Variants in SLC30A6 observed in about 807,000 individuals in gnomAD.
SLC30A6 encodes zinc transporter 6.
A neutral mutation model predicts 63.0 loss-of-function variants in SLC30A6; 55 were observed. That is an observed-to-expected ratio of 0.87 (90% CI 0.70 to 1.09). SLC30A6 has a LOEUF of 1.09. Ranked by LOEUF, SLC30A6 falls within the 50% of genes least tolerant of loss-of-function variation. The pLI, the probability that SLC30A6 is intolerant of heterozygous loss-of-function variation, is 0.00. For missense variants in SLC30A6, 587 were observed against 549.2 expected (o/e 1.07, Z -0.69); for synonymous variants, 224 against 186.1 (o/e 1.20, Z -1.66).
chr2:32,213,431 A>G (rs1308228142), intron 13 of SLC30A6, among the ~76,000 whole-genome samples: 1 of 151,318 alleles, frequency 6.6e-6, no homozygotes, highest in African/African-American at 2.4e-5. Flanking sequence ...AACTCCTCCC[A>G]GTTGCAGCTG....
At chr2:32,167,051 A>C (rs1437892391) in intron 1 of SLC30A6, among the ~76,000 whole-genome samples, 1 of 151,846 alleles carries the variant, frequency 6.6e-6, no homozygotes, top group Non-Finnish European at 1.5e-5. Context: ...ACTCATTATC[A>C]AGCTTCTTAC....
chr2:32,180,635 G>T (rs562245805), intron 4 of SLC30A6, among the ~76,000 whole-genome samples: 8 of 151,998 alleles, frequency 5.3e-5, no homozygotes, highest in African/African-American at 1.9e-4. Context: ...GTTTCACCAT[G>T]TTGGCCAGGC....
intron 10 of SLC30A6, chr2:32,202,789 C>T (rs1684411515): frequency 6.8e-6 from 5 of 736,068 alleles, no homozygotes; most frequent in Non-Finnish European, 1.2e-5. Context: ...GCAGCTCGCC[C>T]ACAGTGGGTA....
At chr2:32,207,004 C>G (rs1004087671) in intron 12 of SLC30A6, 71 bp downstream of exon 12, 5 of 1,197,990 alleles carry the variant, frequency 4.2e-6, no homozygotes, top group African/African-American at 1.5e-5. Context: ...ACTTTTAATA[C>G]TTTATTCAAC....
intron 8 of SLC30A6, among the ~76,000 whole-genome samples, chr2:32,195,092 T>G (rs1027325457): frequency 6.9e-6 from 1 of 144,822 alleles, no homozygotes; most frequent in Admixed American, 7.5e-5. Context: ...TACAGTTTTA[T>G]GCCTGGCTTT....
At chr2:32,169,226 A>C (rs1011816627) in intron 1 of SLC30A6, among the ~76,000 whole-genome samples, 4 of 151,998 alleles carry the variant, frequency 2.6e-5, no homozygotes, top group African/African-American at 9.7e-5. Context: ...CCCAGGCTTG[A>C]GTAAAGTGTG....
intron 4 of SLC30A6, among the ~76,000 whole-genome samples, chr2:32,182,416 G>C (rs1682410699): frequency 6.6e-6 from 1 of 152,200 alleles, no homozygotes; most frequent in Non-Finnish European, 1.5e-5. Flanking sequence ...ACCCTGTCAT[G>C]ATGAGTGTGA....
At chr2:32,166,960 A>G (rs1573209859) in intron 1 of SLC30A6, among the ~76,000 whole-genome samples, 1 of 149,014 alleles carries the variant, frequency 6.7e-6, no homozygotes, top group African/African-American at 2.5e-5. Flanking sequence ...TGACCACATC[A>G]CTCCCTTACT....
chr2:32,175,220 T>G, intron 3 of SLC30A6, 99 bp from the exon 4 acceptor site: 2 of 1,150,660 alleles, frequency 1.7e-6, no homozygotes, highest in Non-Finnish European at 2.5e-6. Flanking sequence ...AAAAGTTTTT[T>G]TGATAATGGA....
chr2:32,201,595 C>T, intron 10 of SLC30A6: 21 of 1,482,782 alleles, frequency 1.4e-5, no homozygotes, highest in Non-Finnish European at 1.9e-5. Flanking sequence ...CAGCAGTGGC[C>T]AGTAATGCCT....
In SLC30A6 at chr2:32,198,676, C is replaced by G. The variant is rs184053548; in HGVS notation, c.665+850C>G. On this transcript the variant is annotated intron_variant, in intron 10 of 13. Transcript: ENST00000282587. ...TCAGCTCACTGCAACCTCCACCTCC[C>G]GAGTTCAAGCAATTCTCCTGCCTCA... is the stretch of plus-strand genomic sequence containing the variant. 9.2e-5 allele frequency among the ~76,000 whole-genome samples: 14 copies of G among 152,248 alleles called. No individual in the cohort carries two copies. In the East Asian group the frequency reaches 1.2e-3, roughly 13 times the overall value.
chr2:32,165,900 C>T lies in SLC30A6; in HGVS notation c.-1C>T, dbSNP rs761856705. ...CGGCGGGAGCTGTGCAGCTCCTTAT[C>T]ATGGTGAGTTGGCTGTTGGGGTGAG... On this transcript the variant is annotated 5_prime_UTR_variant, in exon 1 of 14. Coordinates refer to ENST00000282587, the MANE Select transcript of SLC30A6 (RefSeq NM_017964.5). 2.5e-6 allele frequency: 4 copies of T among 1,614,046 alleles called. No homozygotes were observed. The South Asian group carries it at 4.4e-5, about 18-fold the overall frequency.
At chr2:32,197,433 G>A (rs768443162) in intron 9 of SLC30A6, 41 bp downstream of exon 9, 1 of 1,548,772 alleles carries the variant, frequency 6.5e-7, no homozygotes, top group Non-Finnish European at 8.9e-7. Context: ...TAATTTAAAG[G>A]AATACACAAG....
At chr2:32,211,664 T>G (rs1685266140) in intron 13 of SLC30A6, among the ~76,000 whole-genome samples, 2 of 152,168 alleles carry the variant, frequency 1.3e-5, no homozygotes, top group Admixed American at 1.3e-4. Flanking sequence ...GTCGCCCAGG[T>G]GGGCGTGCAG....
At chr2:32,177,197 G>A (rs934501865) in intron 4 of SLC30A6, among the ~76,000 whole-genome samples, 8 of 151,980 alleles carry the variant, frequency 5.3e-5, no homozygotes, top group Admixed American at 2.6e-4. Context: ...GTTTTTTCTC[G>A]CGATAGATTT....
chr2:32,187,312 T>G, intron 5 of SLC30A6: 1 of 462,380 alleles, frequency 2.2e-6, no homozygotes, highest in Admixed American at 2.4e-5. Flanking sequence ...TGGTAGGCAA[T>G]AAAGAGCTAG....
At chr2:32,195,100 T>A (rs1434240974) in intron 8 of SLC30A6, among the ~76,000 whole-genome samples, 1 of 19,480 alleles carries the variant, frequency 5.1e-5, no homozygotes, top group Non-Finnish European at 1.2e-4. Flanking sequence ...TATGCCTGGC[T>A]TTTTTTTTTT....
chr2:32,204,521 C>T, intron 10 of SLC30A6, 69 bp from the exon 11 acceptor site: 1 of 1,013,552 alleles, frequency 9.9e-7, no homozygotes, highest in Non-Finnish European at 1.5e-6. Context: ...AATTAATGTT[C>T]AGGAGATTTA....
chr2:32,173,794 A>G (rs920755118), intron 2 of SLC30A6, among the ~76,000 whole-genome samples: 17 of 152,336 alleles, frequency 1.1e-4, no homozygotes, highest in East Asian at 3.9e-4. Flanking sequence ...ATGCATATGT[A>G]TGTGTATTTT....
Sources: gnomAD v4.1 joint callset for allele counts (sites outside exome capture counted in the v4.1 genomes callset) on GRCh38, gnomAD v4.1.1 for gene constraint, MANE v1.5 for transcripts, NCBI Gene and HGNC (gene_info 2026-07-23, HGNC 2026-07-21) for gene names.